Variants in SPOCK1 observed in about 807,000 individuals in gnomAD.
SPOCK1 encodes testican-1.
A neutral mutation model predicts 55.3 loss-of-function variants in SPOCK1; 23 were observed. The observed-to-expected ratio is 0.42, with a 90% CI of 0.30 to 0.59. The LOEUF (loss-of-function observed/expected upper bound fraction) is 0.59, where lower values mean the gene tolerates loss of function less well. Among genes scored for constraint, SPOCK1 ranks in the 20% least tolerant of loss-of-function variants. The pLI is 0.22. For missense variants in SPOCK1, 499 were observed against 552.5 expected (o/e 0.90, Z 0.97); for synonymous variants, 226 against 221.0 (o/e 1.02, Z -0.20).
intron 3 of SPOCK1, among the ~76,000 whole-genome samples, chr5:137,210,440 CA>C (rs1421279764): frequency 6.6e-6 from 1 of 152,196 alleles, no homozygotes; most frequent in East Asian, 1.9e-4. Flanking sequence ...TACACAAAAA[CA>C]TGTGCACTTG....
intron 2 of SPOCK1, among the ~76,000 whole-genome samples, chr5:137,421,267 T>C (rs1752485923): frequency 1.3e-5 from 2 of 152,208 alleles, no homozygotes; most frequent in Non-Finnish European, 1.5e-5. Flanking sequence ...GAAGAATGTA[T>C]ATTCTGTTGA....
intron 3 of SPOCK1, among the ~76,000 whole-genome samples, chr5:137,151,397 G>C (rs901824613): frequency 2.6e-5 from 4 of 152,172 alleles, no homozygotes; most frequent in African/African-American, 9.7e-5. Context: ...TCTCACAGTG[G>C]ATTCTGCCCC....
intron 6 of SPOCK1, among the ~76,000 whole-genome samples, chr5:137,057,867 C>G (rs1446444497): frequency 1.3e-5 from 2 of 152,160 alleles, no homozygotes; most frequent in East Asian, 3.8e-4. Context: ...GGACAGATTA[C>G]AAATGAATTT....
At chr5:137,293,076 G>C (rs1200711822) in intron 2 of SPOCK1, among the ~76,000 whole-genome samples, 1 of 133,548 alleles carries the variant, frequency 7.5e-6, no homozygotes, top group Non-Finnish European at 1.6e-5. Context: ...CAATTCTGCA[G>C]TTGGTTTGTT....
At chr5:137,393,617 A>T (rs1018840342) in intron 2 of SPOCK1, among the ~76,000 whole-genome samples, 1 of 152,246 alleles carries the variant, frequency 6.6e-6, no homozygotes, top group Non-Finnish European at 1.5e-5. Flanking sequence ...CAGACAGCAG[A>T]GCAATAACAT....
At chr5:137,040,763 T>C (rs1281599828) in intron 6 of SPOCK1, among the ~76,000 whole-genome samples, 1 of 152,204 alleles carries the variant, frequency 6.6e-6, no homozygotes, top group Non-Finnish European at 1.5e-5. Context: ...GCACTAGGAA[T>C]CAGTTTTCTT....
chr5:137,106,075 G>A lies in SPOCK1; in HGVS notation c.474+6360C>T, dbSNP rs184171539. On this transcript the variant is annotated intron_variant, in intron 5 of 10. Transcript: ENST00000394945. Reference sequence around the variant, plus strand: ...AGTCAGGTGGGCCCAGATGACTGAAGTCCATAAAGTCCTATCAAAGGAGGC... The same window carrying A: ...AGTCAGGTGGGCCCAGATGACTGAAATCCATAAAGTCCTATCAAAGGAGGC... Among the ~76,000 whole-genome samples the A allele has an allele frequency of 3.8e-3, 578 of 152,258 alleles. 2 individuals carry two copies. The highest frequency in any genetic ancestry group is 6.6e-3 in the Non-Finnish European group (451 of 68,022).
At chr5:137,132,174 C>CAAAAA (rs762937224) in intron 4 of SPOCK1, among the ~76,000 whole-genome samples, 118 of 59,180 alleles carry the variant, frequency 2.0e-3, no homozygotes, top group Middle Eastern at 0.02. Flanking sequence ...GACTCTGTCT[C>CAAAAA]AAAAAAAAAA....
chr5:137,343,729 C>A (rs1192783212), intron 2 of SPOCK1, among the ~76,000 whole-genome samples: 1 of 152,242 alleles, frequency 6.6e-6, no homozygotes, highest in African/African-American at 2.4e-5. Context: ...CCCAAGGATT[C>A]ATCCTGCAAC....
intron 5 of SPOCK1, among the ~76,000 whole-genome samples, chr5:137,098,759 T>G (rs1048405206): frequency 1.6e-4 from 24 of 152,348 alleles, no homozygotes; most frequent in African/African-American, 5.8e-4. Flanking sequence ...TCCCAGATAC[T>G]TAGAGACTTT....
intron 2 of SPOCK1, among the ~76,000 whole-genome samples, chr5:137,467,732 T>G (rs1477756816): frequency 1.3e-5 from 2 of 152,118 alleles, no homozygotes; most frequent in Non-Finnish European, 2.9e-5. Context: ...GAGACAGCAT[T>G]TCAGACACAA....
At chr5:137,358,276 T>C (rs1750861056) in intron 2 of SPOCK1, among the ~76,000 whole-genome samples, 1 of 151,558 alleles carries the variant, frequency 6.6e-6, no homozygotes, top group South Asian at 2.1e-4. Flanking sequence ...CCCCAACAGG[T>C]GATGTTCATC....
At chr5:137,222,213 C>A (rs932802488) in intron 3 of SPOCK1, among the ~76,000 whole-genome samples, 1 of 152,164 alleles carries the variant, frequency 6.6e-6, no homozygotes, top group Non-Finnish European at 1.5e-5. Flanking sequence ...CCAGAGTACA[C>A]TAAGAAGATC....
chr5:137,470,414 C>G (rs897960250), intron 2 of SPOCK1, among the ~76,000 whole-genome samples: 6 of 152,186 alleles, frequency 3.9e-5, no homozygotes, highest in Admixed American at 3.9e-4. Flanking sequence ...GTCTTATCCA[C>G]AGGCACAGTG....
intron 2 of SPOCK1, among the ~76,000 whole-genome samples, chr5:137,306,606 T>C (rs575424518): frequency 1.3e-5 from 2 of 152,270 alleles, no homozygotes; most frequent in East Asian, 1.9e-4. Flanking sequence ...ATTGATGTCA[T>C]ATAAAGAGAC....
intron 6 of SPOCK1, among the ~76,000 whole-genome samples, chr5:136,993,409 C>T (rs1408626769): frequency 2.0e-5 from 3 of 152,154 alleles, no homozygotes; most frequent in Non-Finnish European, 4.4e-5. Flanking sequence ...TCCCTAGCCC[C>T]TCCCTCTTCC....
intron 6 of SPOCK1, among the ~76,000 whole-genome samples, chr5:137,062,940 A>G (rs948196081): frequency 3.9e-5 from 6 of 152,224 alleles, no homozygotes; most frequent in Non-Finnish European, 7.3e-5. Flanking sequence ...GAGATGTAGT[A>G]AGAAATATTC....
intron 2 of SPOCK1, among the ~76,000 whole-genome samples, chr5:137,267,586 T>C (rs1158677850): frequency 2.0e-5 from 3 of 152,240 alleles, no homozygotes; most frequent in Non-Finnish European, 2.9e-5. Flanking sequence ...TACCATTTGT[T>C]CTGGGTATGG....
intron 9 of SPOCK1, 60 bp downstream of exon 9, chr5:136,985,080 T>C: frequency 6.7e-7 from 1 of 1,503,094 alleles, no homozygotes; most frequent in African/African-American, 1.4e-5. Context: ...TGCTGATCAT[T>C]ACAAGGGACA....
Sources: allele counts gnomAD v4.1 joint callset (sites outside exome capture counted in the v4.1 genomes callset), GRCh38; gene constraint gnomAD v4.1.1; transcripts MANE v1.5; gene names NCBI Gene and HGNC (gene_info 2026-07-23, HGNC 2026-07-21).